JAK1: variants seen among roughly 807,000 people sequenced by gnomAD.
JAK1 encodes the protein tyrosine-protein kinase JAK1.
In JAK1, 16 loss-of-function variants were observed where a neutral mutation model predicts 136.6. That is an observed-to-expected ratio of 0.12 (90% CI 0.08 to 0.18). The LOEUF (loss-of-function observed/expected upper bound fraction) is 0.18. JAK1 is among the 10% of genes least tolerant of loss of function. The probability of loss-of-function intolerance (pLI) is 1.00; values close to 1 mark genes in which losing one functional copy is unlikely to be tolerated. For missense variants in JAK1, 859 were observed against 1,450.1 expected (o/e 0.59, Z 6.62); for synonymous variants, 492 against 519.5 (o/e 0.95, Z 0.72).
chr1:64,949,626 C>T (rs1190976661), intron 1 of JAK1, among the ~76,000 whole-genome samples: 1 of 152,114 alleles, frequency 6.6e-6, no homozygotes, highest in Non-Finnish European at 1.5e-5. Flanking sequence ...TATAATGGTC[C>T]GTATTTGACA....
intron 19 of JAK1, 118 bp from the exon 20 acceptor site, chr1:64,839,913 C>G (rs1486173788): frequency 1.9e-5 from 15 of 795,400 alleles, no homozygotes; most frequent in Non-Finnish European, 2.9e-5. Flanking sequence ...CGCTGTCTGG[C>G]CTTGCAGGCA....
chr1:64,973,913 T>G (rs932578880), intron 2 of JAK1: 4 of 152,156 alleles, frequency 2.6e-5, no homozygotes, highest in South Asian at 4.1e-4. Flanking sequence ...TATATATATT[T>G]TTCCTTAAAG....
At chr1:64,873,554 G>A (rs1346501913) in intron 4 of JAK1, 31 bp from the exon 5 acceptor site, 2 of 1,613,682 alleles carry the variant, frequency 1.2e-6, no homozygotes, top group Non-Finnish European at 1.7e-6. Flanking sequence ...TGCCAATTGT[G>A]GCAAAGGGGA....
At chr1:64,898,599 GATT>G in intron 1 of JAK1, among the ~76,000 whole-genome samples, 1 of 152,210 alleles carries the variant, frequency 6.6e-6, no homozygotes, top group East Asian at 1.9e-4. Context: ...ATGACAAAGA[GATT>G]ATTAGAACCT....
chr1:64,860,656 G>A (rs1342038183), intron 8 of JAK1, among the ~76,000 whole-genome samples: 1 of 151,948 alleles, frequency 6.6e-6, no homozygotes, highest in African/African-American at 2.4e-5. Flanking sequence ...GTTTCACCAT[G>A]TTGGCCAGGC....
chr1:65,066,875 G>C (rs989486334), intron 1 of JAK1: 1 of 152,600 alleles, frequency 6.6e-6, no homozygotes, highest in Non-Finnish European at 1.5e-5. Context: ...CAGCACCCTG[G>C]ACGCGGGCGG....
At chr1:64,860,416 A>G (rs1296303833) in intron 8 of JAK1, among the ~76,000 whole-genome samples, 154 bp from the exon 9 acceptor site, 1 of 42,172 alleles carries the variant, frequency 2.4e-5, no homozygotes, top group East Asian at 8.4e-4. Context: ...TACCCCTTGC[A>G]TGCATTTATT....
rs2100961591 is a variant in JAK1 at position 64,839,726 on chromosome 1, C to T, written c.2719G>A (p.Val907Ile). The change falls in exon 20 of 25, where the codon GTT becomes ATT. Residue 907 changes from valine to isoleucine, a missense_variant. Val to Ile is a conservative substitution (Grantham distance 29, BLOSUM62 3). Transcript: ENST00000342505. Reference protein sequence around the residue: ...EGDNTGEQVAVKSLKPESGGN... With the variant: ...EGDNTGEQVAIKSLKPESGGN... ...CCACTCTCAGGCTTCAGAGATTTAA[C>T]AGCCACCTGCTCCCCTGTATTGTCC... is the stretch of plus-strand genomic sequence containing the variant. The T allele has an allele frequency of 6.2e-7, 1 of 1,614,226 alleles. No individual in the cohort carries two copies. The highest frequency in any genetic ancestry group is 8.5e-7 in the Non-Finnish European group (1 of 1,180,020).
intron 2 of JAK1, among the ~76,000 whole-genome samples, chr1:65,000,908 G>A (rs928957368): frequency 6.6e-6 from 1 of 151,834 alleles, no homozygotes; most frequent in African/African-American, 2.4e-5. Context: ...TTGAGATGGG[G>A]TCTCACTCTG....
intron 2 of JAK1, among the ~76,000 whole-genome samples, chr1:64,885,281 A>G (rs1305218313): frequency 6.6e-6 from 1 of 152,236 alleles, no homozygotes; most frequent in Non-Finnish European, 1.5e-5. Flanking sequence ...AAAAACTGTG[A>G]TGGAAAACAG....
intron 1 of JAK1, among the ~76,000 whole-genome samples, chr1:65,053,744 T>A (rs1229883772): frequency 6.6e-6 from 1 of 152,124 alleles, no homozygotes; most frequent in Non-Finnish European, 1.5e-5. Context: ...TCTCAGCTAA[T>A]CAGGAGGCTG....
intron 2 of JAK1, among the ~76,000 whole-genome samples, chr1:65,023,311 G>A (rs1395014550): frequency 6.6e-6 from 1 of 151,874 alleles, no homozygotes; most frequent in Non-Finnish European, 1.5e-5. Flanking sequence ...GCCCAGGCTG[G>A]TCTTGAATTC....
chr1:64,996,128 A>T (rs1004052351), intron 2 of JAK1, among the ~76,000 whole-genome samples: 1 of 152,138 alleles, frequency 6.6e-6, no homozygotes, highest in Non-Finnish European at 1.5e-5. Context: ...GCTTGGTTAA[A>T]ATTTTCCCAA....
At chr1:65,005,120 C>G (rs1464491312) in intron 2 of JAK1, among the ~76,000 whole-genome samples, 2 of 152,060 alleles carry the variant, frequency 1.3e-5, no homozygotes, top group African/African-American at 4.8e-5. Context: ...AAACAAAAAG[C>G]ATTTTATCAA....
At chr1:64,959,795 T>G (rs769197544) in intron 1 of JAK1, among the ~76,000 whole-genome samples, 1 of 152,268 alleles carries the variant, frequency 6.6e-6, no homozygotes, top group Non-Finnish European at 1.5e-5. Context: ...ATTTACTCAT[T>G]GCTAACTGAA....
In JAK1 at chr1:64,836,729, T is replaced by C. The variant is rs536799257; in HGVS notation, c.3141-514A>G. Among the ~76,000 whole-genome samples the C allele has an allele frequency of 1.9e-3, 288 of 152,278 alleles. 1 individual carries two copies. The highest frequency in any genetic ancestry group is 3.0e-3 in the Non-Finnish European group (205 of 68,038). On this transcript the variant is annotated intron_variant, in intron 22 of 24. Coordinates refer to ENST00000342505, the MANE Select transcript of JAK1 (RefSeq NM_002227.4). ...CACTTCTCTCAAACCCTACTGTCAC[T>C]CTCCCAGTCCCTGTCCTAATTCATG...
intron 1 of JAK1, among the ~76,000 whole-genome samples, chr1:65,046,814 T>A (rs1014910284): frequency 3.3e-5 from 5 of 150,600 alleles, no homozygotes; most frequent in Non-Finnish European, 7.4e-5. Flanking sequence ...TCTCCCAAAG[T>A]GCTGGGATTA....
intron 1 of JAK1, among the ~76,000 whole-genome samples, chr1:64,913,708 G>GAAGGAAA (rs1294108690): frequency 1.3e-5 from 1 of 76,068 alleles, no homozygotes; most frequent in Non-Finnish European, 2.5e-5. Context: ...AGGAAAGAAG[G>GAAGGAAA]GAGGGAGGGA....
intron 1 of JAK1, among the ~76,000 whole-genome samples, chr1:64,944,752 C>T (rs961961438): frequency 6.6e-6 from 1 of 152,098 alleles, no homozygotes; most frequent in Non-Finnish European, 1.5e-5. Context: ...GTTGGGGATA[C>T]ACACACGATT....
Sources: allele counts gnomAD v4.1 joint callset (sites outside exome capture counted in the v4.1 genomes callset), GRCh38; gene constraint gnomAD v4.1.1; transcripts MANE v1.5; gene names NCBI Gene and HGNC (gene_info 2026-07-23, HGNC 2026-07-21).